The following SMAD2 variants were observed in gnomAD, a reference collection of about 807,000 sequenced individuals.
SMAD2 encodes the protein SMAD family member 2.
A neutral mutation model predicts 64.4 loss-of-function variants in SMAD2; 8 were observed. The ratio of observed to expected loss-of-function variants is 0.12; its 90% confidence interval spans 0.07 to 0.22. SMAD2 has a LOEUF of 0.22. Among genes scored for constraint, SMAD2 ranks in the 10% least tolerant of loss-of-function variants. SMAD2 has a pLI of 1.00. For missense variants in SMAD2, 289 were observed against 561.2 expected (o/e 0.51, Z 4.90); for synonymous variants, 203 against 195.8 (o/e 1.04, Z -0.31).
In SMAD2 at chr18:47,836,429, A is replaced by G. The variant is rs138303760; in HGVS notation, c.*5398T>C. 215 of 220,732 alleles carry G rather than the reference A, an allele frequency of 9.7e-4. 4 individuals carry two copies. In the East Asian group the frequency reaches 0.014, roughly 14 times the overall value. The allele number at this position is 220,732 out of a possible 1,614,324, so 13.7% of individuals were successfully genotyped here. ...AGTTACCAAGTTGCCAAAAAATGGT[A>G]TATTAAATGAACTGCCAAATGGCAG... On this transcript the variant is annotated 3_prime_UTR_variant, in exon 11 of 11. Transcript: ENST00000262160.
At chr18:47,890,407 C>T (rs1045150753) in intron 2 of SMAD2, among the ~76,000 whole-genome samples, 1 of 152,118 alleles carries the variant, frequency 6.6e-6, no homozygotes, top group Admixed American at 6.5e-5. Context: ...TTTTTCTAAG[C>T]AGAGACAATA....
chr18:47,853,773 CAAGT>C (rs1568047011), intron 6 of SMAD2, among the ~76,000 whole-genome samples: 1 of 151,576 alleles, frequency 6.6e-6, no homozygotes, highest in African/African-American at 2.4e-5. Context: ...AATCTGCTGG[CAAGT>C]CACAAATCTG....
At position 47,845,655 on chromosome 18, in the gene SMAD2, A is replaced by T. The variant is rs1401485286; in HGVS notation, c.1135+8T>A. The T allele has an allele frequency of 6.2e-7, 1 of 1,613,686 alleles. No individual in the cohort carries two copies. The highest frequency in any genetic ancestry group is 8.5e-7 in the Non-Finnish European group (1 of 1,179,738). On this transcript the variant is annotated splice_region_variant and intron_variant, in intron 9 of 10. Transcript: ENST00000262160. ...ATGATAGGTTTATGTACATTATTGA[A>T]TCCATACCTGGTGGAATTTTACACA...
In SMAD2 at chr18:47,841,252, C is replaced by T. The variant is rs779318546; in HGVS notation, c.*575G>A. 21 of 233,146 alleles carry T rather than the reference C, an allele frequency of 9.0e-5. No homozygotes were observed. Among genetic ancestry groups the T allele is most frequent in the Non-Finnish European group, 1.6e-4 (19 of 118,280 alleles). The allele number at this position is 233,146 out of a possible 1,614,324, so 14.4% of individuals were successfully genotyped here. Reference sequence around the variant, plus strand: ...TCAAAAGTTAATCCACTTTTCTTCCCCCAAGAGTTTATTTTTGGTAAAAGG... The same window carrying T: ...TCAAAAGTTAATCCACTTTTCTTCCTCCAAGAGTTTATTTTTGGTAAAAGG... On this transcript the variant is annotated 3_prime_UTR_variant, in exon 11 of 11. Transcript: ENST00000262160.
chr18:47,925,332 A>G (rs2034720572), intron 1 of SMAD2, among the ~76,000 whole-genome samples: 2 of 152,230 alleles, frequency 1.3e-5, no homozygotes, highest in Admixed American at 6.5e-5. Context: ...AAACCTAAAG[A>G]TACATCAAGC....
At chr18:47,886,559 C>CTG (rs1164896537) in intron 2 of SMAD2, among the ~76,000 whole-genome samples, 387 of 140,166 alleles carry the variant, frequency 2.8e-3, no homozygotes, top group African/African-American at 9.3e-3. Context: ...GAAACTATAT[C>CTG]TATATCTATC....
At chr18:47,863,044 T>C (rs2031302579) in intron 6 of SMAD2, among the ~76,000 whole-genome samples, 1 of 152,148 alleles carries the variant, frequency 6.6e-6, no homozygotes, top group Non-Finnish European at 1.5e-5. Flanking sequence ...TTATTATGCC[T>C]AATTTATCCT....
intron 1 of SMAD2, among the ~76,000 whole-genome samples, chr18:47,902,280 C>A (rs2144491912): frequency 6.6e-6 from 1 of 152,284 alleles, no homozygotes; most frequent in Admixed American, 6.5e-5. Context: ...ATCATTTTTA[C>A]ACCCATTGTT....
rs1185762790 is a variant in SMAD2, at chr18:47,851,428, C to T, written c.731-101G>A. On this transcript the variant is annotated intron_variant, in intron 6 of 10. Transcript: ENST00000262160. ...CTGGTTATAATTATCAACAATAATA[C>T]AAAGATAATTTAAATACCAAGAATT... The T allele has an allele frequency of 1.4e-5, 10 of 707,166 alleles. No homozygotes were observed. In the East Asian group the frequency reaches 1.8e-4, roughly 13 times the overall value. The allele number at this position is 707,166 out of a possible 1,614,324, so 43.8% of individuals were successfully genotyped here. A position where few individuals can be genotyped will look rare whatever the true frequency, so the allele number is the denominator to read the frequency against.
chr18:47,897,480 T>C (rs2033492285), intron 1 of SMAD2, among the ~76,000 whole-genome samples: 1 of 152,130 alleles, frequency 6.6e-6, no homozygotes, highest in Non-Finnish European at 1.5e-5. Flanking sequence ...CCTTGTCTTT[T>C]CTCTTCCATA....
At chr18:47,877,109 CCATT>C (rs1034818632) in intron 2 of SMAD2, among the ~76,000 whole-genome samples, 154 of 151,984 alleles carry the variant, frequency 1.0e-3, no homozygotes, top group African/African-American at 3.3e-3. Context: ...GTAATAAACC[CCATT>C]GTTTTACTAA....
intron 1 of SMAD2, among the ~76,000 whole-genome samples, chr18:47,897,756 T>A (rs186070651): frequency 2.8e-4 from 42 of 152,322 alleles, no homozygotes; most frequent in East Asian, 2.5e-3. Context: ...AAGTCCCACA[T>A]AACTTTTATT....
intron 2 of SMAD2, among the ~76,000 whole-genome samples, chr18:47,896,165 CT>C (rs1178263564): frequency 6.6e-5 from 10 of 152,312 alleles, no homozygotes; most frequent in African/African-American, 1.4e-4. Flanking sequence ...CTTTTCACCC[CT>C]GATGAAAGTT....
At chr18:47,921,702 T>G (rs1467063212) in intron 1 of SMAD2, among the ~76,000 whole-genome samples, 5 of 152,180 alleles carry the variant, frequency 3.3e-5, no homozygotes, top group African/African-American at 1.2e-4. Context: ...TTGAATGGCA[T>G]TATAACCTCA....
At chr18:47,884,297 A>T (rs2032768634) in intron 2 of SMAD2, among the ~76,000 whole-genome samples, 1 of 152,148 alleles carries the variant, frequency 6.6e-6, no homozygotes, top group African/African-American at 2.4e-5. Flanking sequence ...GCTCTTACAC[A>T]TATTAAACCG....
chr18:47,890,030 A>T (rs558473660), intron 2 of SMAD2, among the ~76,000 whole-genome samples: 1 of 152,330 alleles, frequency 6.6e-6, no homozygotes, highest in East Asian at 1.9e-4. Flanking sequence ...TTCCCTGATA[A>T]GGTAAGTGAT....
At chr18:47,867,907 G>C (rs1207092618) in intron 5 of SMAD2, among the ~76,000 whole-genome samples, 7 of 152,106 alleles carry the variant, frequency 4.6e-5, no homozygotes, top group Non-Finnish European at 1.0e-4. Context: ...TTATATTTCT[G>C]TTAAATATTA....
chr18:47,842,087 G>T, intron 10 of SMAD2, 137 bp from the exon 11 acceptor site: 4 of 882,508 alleles, frequency 4.5e-6, no homozygotes, highest in South Asian at 1.5e-5. Context: ...CGATTATTCC[G>T]CAAAATGGTT....
At chr18:47,861,017 T>C (rs1035566143) in intron 6 of SMAD2, among the ~76,000 whole-genome samples, 2 of 151,982 alleles carry the variant, frequency 1.3e-5, no homozygotes, top group African/African-American at 4.8e-5. Context: ...TTGTAGGTCT[T>C]AGTTAGGACA....
Sources: gnomAD v4.1 joint callset for allele counts (sites outside exome capture counted in the v4.1 genomes callset) on GRCh38, gnomAD v4.1.1 for gene constraint, MANE v1.5 for transcripts, NCBI Gene and HGNC (gene_info 2026-07-23, HGNC 2026-07-21) for gene names.